GRM7: variants seen among roughly 807,000 people sequenced by gnomAD.
The protein encoded by GRM7 is metabotropic glutamate receptor 7.
GRM7 carries 35 observed loss-of-function variants against 84.5 expected under a neutral mutation model. That is an observed-to-expected ratio of 0.41 (90% CI 0.32 to 0.55). The LOEUF is 0.55. Among genes scored for constraint, GRM7 ranks in the 20% least tolerant of loss-of-function variants. The pLI, the probability that GRM7 is intolerant of heterozygous loss-of-function variation, is 0.19. For synonymous variants in GRM7, 487 were observed against 455.1 expected, an observed-to-expected ratio of 1.07 and a Z score of -0.89; for missense variants, 1,003 against 1,194.6, an observed-to-expected ratio of 0.84 and a Z score of 2.36.
chr3:6,884,094 A>C (rs1358572330), intron 1 of GRM7: 1 of 152,694 alleles, frequency 6.5e-6, no homozygotes, highest in East Asian at 1.9e-4. Flanking sequence ...TCCATTGGTA[A>C]ATAGGCAGAG....
chr3:7,641,503 C>G (rs894170251), intron 8 of GRM7, among the ~76,000 whole-genome samples: 3 of 152,072 alleles, frequency 2.0e-5, no homozygotes, highest in African/African-American at 4.8e-5. Context: ...GTTTTTAACC[C>G]TGGTGGCACA....
At chr3:7,582,280 G>A (rs1173842472) in intron 8 of GRM7, among the ~76,000 whole-genome samples, 1 of 152,174 alleles carries the variant, frequency 6.6e-6, no homozygotes, top group Admixed American at 6.5e-5. Flanking sequence ...GGAACATACA[G>A]GCTACCCGGT....
chr3:7,704,427 G>C (rs1377703688), intron 9 of GRM7, among the ~76,000 whole-genome samples: 2 of 151,054 alleles, frequency 1.3e-5, no homozygotes, highest in African/African-American at 4.8e-5. Context: ...ATGATAAAAA[G>C]TTTGAGAGTA....
At chr3:7,611,957 A>C (rs1444581727) in intron 8 of GRM7, among the ~76,000 whole-genome samples, 3 of 152,216 alleles carry the variant, frequency 2.0e-5, no homozygotes, top group African/African-American at 7.2e-5. Context: ...TAATAGGAAA[A>C]GCTATGGACT....
intron 5 of GRM7, among the ~76,000 whole-genome samples, chr3:7,446,111 T>C (rs910339918): frequency 2.6e-5 from 4 of 152,212 alleles, no homozygotes; most frequent in Non-Finnish European, 4.4e-5. Context: ...TACTCAGGAC[T>C]TCAGCCTCAA....
At chr3:6,983,819 CAGTGT>C (rs1014085569) in intron 1 of GRM7, among the ~76,000 whole-genome samples, 1 of 147,388 alleles carries the variant, frequency 6.8e-6, no homozygotes, top group Non-Finnish European at 1.5e-5. Context: ...TTTTTGTTTT[CAGTGT>C]TCTGAGTGCC....
At chr3:7,332,715 C>G (rs1701254827) in intron 4 of GRM7, among the ~76,000 whole-genome samples, 1 of 152,076 alleles carries the variant, frequency 6.6e-6, no homozygotes, top group Admixed American at 6.6e-5. Flanking sequence ...AGGAACATAC[C>G]AGGAAAACTG....
chr3:7,633,237 A>G (rs1188543507), intron 8 of GRM7, among the ~76,000 whole-genome samples: 1 of 152,234 alleles, frequency 6.6e-6, no homozygotes, highest in Non-Finnish European at 1.5e-5. Context: ...GACACTCTTA[A>G]GGCACTTACC....
At position 7,362,295 on chromosome 3, in the gene GRM7, G is replaced by T. The variant is rs534316962; in HGVS notation, c.1034-52728G>T. ...GATAGTGTGAACATTTTGAAACACA[G>T]CATAGCAGATTTCCACCATTAAAAC... is the stretch of plus-strand genomic sequence containing the variant. On this transcript the variant is annotated intron_variant, in intron 4 of 9. Transcript: ENST00000357716. Among the ~76,000 whole-genome samples, 19 of 152,052 alleles carry T rather than the reference G, an allele frequency of 1.2e-4. No homozygotes were observed. The East Asian group carries it at 3.5e-3, about 28-fold the overall frequency.
At chr3:7,276,239 GTGTGTGTGTGTA>G (rs1339900334) in intron 2 of GRM7, among the ~76,000 whole-genome samples, 19 of 150,566 alleles carry the variant, frequency 1.3e-4, no homozygotes, top group Non-Finnish European at 2.1e-4. Flanking sequence ...GTGTGTGTGT[GTGTGTGTGTGTA>G]TATATAATTG....
chr3:7,740,465 C>T lies in GRM7; in HGVS notation c.*59C>T. The T allele has an allele frequency of 1.0e-6, 1 of 999,466 alleles. No homozygotes were observed. The highest frequency in any genetic ancestry group is 1.5e-6 in the Non-Finnish European group (1 of 662,936). 61.9% of individuals were successfully genotyped at this position (999,466 alleles called of 1,614,324 possible). A position where few individuals can be genotyped will look rare whatever the true frequency, so the allele number is the denominator to read the frequency against. On this transcript the variant is annotated 3_prime_UTR_variant, in exon 10 of 10. Coordinates refer to ENST00000357716, the MANE Select transcript of GRM7 (RefSeq NM_000844.4). ...GACCCTCAGTTATTTTGTCACCCAA[C>T]CTGGCATAGGACTCTTTGGTCCTAC...
chr3:7,671,338 A>G (rs935854081), intron 8 of GRM7, among the ~76,000 whole-genome samples: 8 of 152,132 alleles, frequency 5.3e-5, no homozygotes, highest in Non-Finnish European at 1.2e-4. Context: ...GAATAACAGC[A>G]TTTCTCTGAT....
chr3:6,933,489 G>A (rs1668948975), intron 1 of GRM7, among the ~76,000 whole-genome samples: 1 of 152,150 alleles, frequency 6.6e-6, no homozygotes, highest in African/African-American at 2.4e-5. Flanking sequence ...GAATTTTAAA[G>A]TGGAAAAATT....
chr3:7,407,024 A>C (rs1695710808), intron 4 of GRM7, among the ~76,000 whole-genome samples: 1 of 152,226 alleles, frequency 6.6e-6, no homozygotes, highest in Admixed American at 6.5e-5. Flanking sequence ...GAGATTAGAA[A>C]GGCAAGAAAT....
intron 5 of GRM7, among the ~76,000 whole-genome samples, chr3:7,419,648 C>G (rs535060166): frequency 6.6e-6 from 1 of 152,224 alleles, no homozygotes; most frequent in South Asian, 2.1e-4. Flanking sequence ...AGTCATAACT[C>G]GTGACTTACC....
At chr3:7,132,710 C>T (rs889418440) in intron 1 of GRM7, among the ~76,000 whole-genome samples, 6 of 152,076 alleles carry the variant, frequency 3.9e-5, no homozygotes, top group African/African-American at 1.5e-4. Context: ...TTAATTTCAC[C>T]TTCTGAAACA....
intron 1 of GRM7, among the ~76,000 whole-genome samples, chr3:7,083,799 C>T (rs9856068): frequency 5.3e-5 from 8 of 151,858 alleles, no homozygotes; most frequent in Non-Finnish European, 1.0e-4. Flanking sequence ...AGTGCTACGA[C>T]GAAAATCAAA....
chr3:7,296,239 C>A (rs1699811088), intron 2 of GRM7, among the ~76,000 whole-genome samples: 1 of 151,752 alleles, frequency 6.6e-6, no homozygotes. Context: ...TGAATAAAAC[C>A]CACTCAATCC....
chr3:7,498,289 A>G (rs1699771551), intron 7 of GRM7, among the ~76,000 whole-genome samples: 1 of 152,204 alleles, frequency 6.6e-6, no homozygotes, highest in Non-Finnish European at 1.5e-5. Flanking sequence ...AATAGCCTAC[A>G]ATGCATTTAC....
Sources: gnomAD v4.1 joint callset for allele counts (sites outside exome capture counted in the v4.1 genomes callset) on GRCh38, gnomAD v4.1.1 for gene constraint, MANE v1.5 for transcripts, NCBI Gene and HGNC (gene_info 2026-07-23, HGNC 2026-07-21) for gene names.